Variants in SVOPL observed in about 807,000 individuals in gnomAD.
The protein encoded by SVOPL is putative transporter SVOPL.
Under a neutral mutation model 61.0 loss-of-function variants are expected in SVOPL, and 60 were observed. That is an observed-to-expected ratio of 0.98 (90% CI 0.80 to 1.22). The LOEUF (loss-of-function observed/expected upper bound fraction) is 1.22. Among genes scored for constraint, SVOPL ranks in the 50% most tolerant of loss-of-function variants. The pLI, the probability that SVOPL is intolerant of heterozygous loss-of-function variation, is 0.00. For missense variants in SVOPL, 662 were observed against 643.9 expected (o/e 1.03, Z -0.30); for synonymous variants, 279 against 250.0 (o/e 1.12, Z -1.09).
chr7:138,660,545 T>G, intron 5 of SVOPL: 1 of 986,010 alleles, frequency 1.0e-6, no homozygotes, highest in South Asian at 4.7e-5. Flanking sequence ...AGTGGAAAGA[T>G]GTACTTTCAT....
chr7:138,647,610 G>A (rs1413035839), intron 8 of SVOPL, among the ~76,000 whole-genome samples: 1 of 151,866 alleles, frequency 6.6e-6, no homozygotes, highest in Non-Finnish European at 1.5e-5. Context: ...CAGCCCTTTG[G>A]GAGGCTGAGG....
At chr7:138,697,412 G>A (rs1400641087) in intron 1 of SVOPL, among the ~76,000 whole-genome samples, 1 of 151,864 alleles carries the variant, frequency 6.6e-6, no homozygotes, top group East Asian at 1.9e-4. Context: ...GGCCAGTCTG[G>A]GCAATAGAGT....
chr7:138,686,950 T>G (rs1211475738), intron 1 of SVOPL, among the ~76,000 whole-genome samples: 7 of 152,186 alleles, frequency 4.6e-5, no homozygotes, highest in Non-Finnish European at 8.8e-5. Context: ...TCTTAAACAC[T>G]GTCACAGAGA....
chr7:138,662,895 T>C (rs1802061141), intron 5 of SVOPL, 179 bp downstream of exon 5: 1 of 1,441,210 alleles, frequency 6.9e-7, no homozygotes, highest in East Asian at 2.5e-5. Flanking sequence ...CAGGCACAGG[T>C]ACCCTGAGAA....
In SVOPL at chr7:138,657,155, TTTATTTATTTA is replaced by T. The variant is rs1801786692; in HGVS notation, c.471-655_471-645del. Among the ~76,000 whole-genome samples the T allele has an allele frequency of 2.0e-5, 3 of 151,266 alleles. 1 individual carries two copies. The highest frequency in any genetic ancestry group is 7.3e-5 in the African/African-American group (3 of 41,222). On this transcript the variant is annotated intron_variant, in intron 6 of 15. Coordinates refer to ENST00000674285, the MANE Select transcript of SVOPL (RefSeq NM_001139456.2). ...ATTTGTTTATTTATTTATTTATTTA[TTTATTTATTTA>T]TTTATTTTAGAGACAAGGTCTGGCT...
At chr7:138,630,206 T>C in intron 9 of SVOPL, 84 bp from the exon 10 acceptor site, 5 of 1,179,666 alleles carry the variant, frequency 4.2e-6, no homozygotes, top group Non-Finnish European at 6.3e-6. Context: ...TCATAGAAGA[T>C]GAGAATCATA....
At position 138,663,132 on chromosome 7, in the gene SVOPL, C is replaced by G. The variant is rs201925457; in HGVS notation, c.287G>C (p.Gly96Ala). The change falls in exon 5 of 16, where the codon GGC becomes GCC. Residue 96 changes from glycine to alanine, a missense_variant. Gly to Ala is a moderately conservative substitution (Grantham distance 60). Coordinates refer to ENST00000674285, the MANE Select transcript of SVOPL (RefSeq NM_001139456.2). Reference protein sequence around the residue: ...VALVTTMVFFGYMVFSILFGL... With the variant: ...VALVTTMVFFAYMVFSILFGL... ...AAAGAGGATACTGAAAACCATGTAG[C>G]CAAAAAACACCATCTGCAAGTGGGA... The G allele has an allele frequency of 1.9e-6, 3 of 1,613,908 alleles. No homozygotes were observed. In the South Asian group the frequency reaches 3.3e-5, roughly 18 times the overall value.
At chr7:138,603,188 C>T (rs1280712785) in intron 14 of SVOPL, among the ~76,000 whole-genome samples, 1 of 152,124 alleles carries the variant, frequency 6.6e-6, no homozygotes, top group African/African-American at 2.4e-5. Context: ...ATAATTTTCC[C>T]TTATAACTTA....
intron 3 of SVOPL, among the ~76,000 whole-genome samples, chr7:138,672,831 T>C (rs532091678): frequency 1.3e-4 from 19 of 151,292 alleles, no homozygotes; most frequent in African/African-American, 4.4e-4. Flanking sequence ...CTACTAAATA[T>C]TTCTTTCAAT....
intron 1 of SVOPL, among the ~76,000 whole-genome samples, chr7:138,682,771 C>A (rs1281056238): frequency 6.6e-6 from 1 of 151,882 alleles, no homozygotes; most frequent in Admixed American, 6.6e-5. Flanking sequence ...GAGTTCAAGA[C>A]CAGCCTGACC....
At chr7:138,606,418 T>G (rs1026431814) in intron 14 of SVOPL, among the ~76,000 whole-genome samples, 10 of 152,120 alleles carry the variant, frequency 6.6e-5, no homozygotes, top group African/African-American at 2.4e-4. Flanking sequence ...CTGTGTAACT[T>G]CCCTTATCTG....
Position 138,656,633 on chromosome 7 carries a change from TCAG to T in SVOPL, c.471-125_471-123del, listed in dbSNP as rs1266203720. 12 of 1,010,572 alleles carry T rather than the reference TCAG, an allele frequency of 1.2e-5. No homozygotes were observed. In the African/African-American group the frequency reaches 1.8e-4, roughly 15 times the overall value. 62.6% of individuals were successfully genotyped at this position (1,010,572 alleles called of 1,614,324 possible). On this transcript the variant is annotated intron_variant, in intron 6 of 15. Coordinates refer to ENST00000674285, the MANE Select transcript of SVOPL (RefSeq NM_001139456.2). ...CAAAAGCATAGAAGTTGATTATATA[TCAG>T]AAGAGAATTATGACAGCTAATATCC...
rs769148274 is a variant in SVOPL, at chr7:138,596,444, G to C, written c.1440C>G (p.Pro480=). 72 of 1,613,782 alleles carry C rather than the reference G, an allele frequency of 4.5e-5. 1 individual carries two copies. The highest frequency in any genetic ancestry group is 3.3e-5 in the Admixed American group (2 of 59,986). The change falls in exon 15 of 16, where the codon CCC becomes CCG. Residue 480 remains proline (P), a synonymous_variant. Coordinates refer to ENST00000674285, the MANE Select transcript of SVOPL (RefSeq NM_001139456.2). The part of the protein sequence containing the change: ...VVCAISAFTL[P]IETKGRALQQ... Reference sequence around the variant, plus strand: ...GGAGGGCCCGTCCTTTGGTTTCGATGGGGAGAGTGAATGCAGAAATGGCGC... The same window carrying C: ...GGAGGGCCCGTCCTTTGGTTTCGATCGGGAGAGTGAATGCAGAAATGGCGC...
At chr7:138,648,909 G>A (rs1801274745) in intron 8 of SVOPL, 103 bp downstream of exon 8, 3 of 1,534,112 alleles carry the variant, frequency 2.0e-6, no homozygotes, top group Non-Finnish European at 1.8e-6. Flanking sequence ...ACAACAAAGA[G>A]AGACTCTGTC....
intron 1 of SVOPL, among the ~76,000 whole-genome samples, chr7:138,692,054 G>A (rs1440096556): frequency 6.6e-6 from 1 of 151,596 alleles, no homozygotes; most frequent in East Asian, 2.0e-4. Context: ...CTAACCTCAA[G>A]TGAATCAGCA....
At chr7:138,690,603 CAG>C (rs1802918220) in intron 1 of SVOPL, among the ~76,000 whole-genome samples, 1 of 152,030 alleles carries the variant, frequency 6.6e-6, no homozygotes, top group Non-Finnish European at 1.5e-5. Context: ...TTCACAGAGA[CAG>C]AAATAGATGA....
intron 14 of SVOPL, among the ~76,000 whole-genome samples, chr7:138,599,709 G>T (rs568926622): frequency 1.1e-3 from 164 of 152,202 alleles, no homozygotes; most frequent in African/African-American, 3.6e-3. Flanking sequence ...CCAACAAGGT[G>T]AAACCCCGTC....
At chr7:138,676,833 T>G (rs1802573218) in intron 3 of SVOPL, among the ~76,000 whole-genome samples, 1 of 152,072 alleles carries the variant, frequency 6.6e-6, no homozygotes, top group African/African-American at 2.4e-5. Flanking sequence ...GCTCACTTGC[T>G]TTATAACCGA....
intron 7 of SVOPL, among the ~76,000 whole-genome samples, chr7:138,653,937 A>C (rs1584840202): frequency 1.9e-4 from 3 of 15,810 alleles, no homozygotes; most frequent in African/African-American, 2.8e-4. Flanking sequence ...TGTCTCAAAA[A>C]AAAAAAAAAA....
Sources: allele counts gnomAD v4.1 joint callset (sites outside exome capture counted in the v4.1 genomes callset), GRCh38; gene constraint gnomAD v4.1.1; transcripts MANE v1.5; gene names NCBI Gene and HGNC (gene_info 2026-07-23, HGNC 2026-07-21).